DDX10: variants seen among roughly 807,000 people sequenced by gnomAD.
DDX10 encodes the protein probable ATP-dependent RNA helicase DDX10.
DDX10 carries 74 observed loss-of-function variants against 104.3 expected under a neutral mutation model. The ratio of observed to expected loss-of-function variants is 0.71; its 90% CI spans 0.59 to 0.86. The LOEUF (loss-of-function observed/expected upper bound fraction) is 0.86, where lower values mean the gene tolerates loss of function less well. Among genes scored for constraint, DDX10 ranks in the 40% least tolerant of loss-of-function variants. The probability of loss-of-function intolerance (pLI) is 0.00; values close to 1 mark genes in which losing one functional copy is unlikely to be tolerated. For synonymous variants in DDX10, 351 were observed against 353.4 expected (o/e 0.99, Z 0.08); for missense variants, 952 against 1,040.0 (o/e 0.92, Z 1.16).
rs77110796 is a variant in DDX10, at chr11:108,876,687, A to C, written c.2304+24478A>C. Among the ~76,000 whole-genome samples, 217 of 152,326 alleles carry C rather than the reference A, an allele frequency of 1.4e-3. 2 individuals carry two copies. Among genetic ancestry groups the C allele is most frequent in the African/African-American group, 5.0e-3 (209 of 41,576 alleles). On this transcript the variant is annotated intron_variant, in intron 16 of 17. Coordinates refer to ENST00000322536, the MANE Select transcript of DDX10 (RefSeq NM_004398.4). ...TCAACTCTAAATTTACTAAGAAGTA[A>C]GTGAGATAACACTTGTGCATCACCT...
intron 13 of DDX10, among the ~76,000 whole-genome samples, chr11:108,813,419 T>C (rs10890895): frequency 0.45 from 68,954 of 152,022 alleles, 19,032 homozygotes; most frequent in Non-Finnish European, 0.61. Context: ...ATTGGGCTGA[T>C]GATCTTAATT....
chr11:108,908,435 C>G lies in DDX10; in HGVS notation c.2305-9438C>G, dbSNP rs555190183. 4.6e-5 allele frequency among the ~76,000 whole-genome samples: 7 copies of G among 152,172 alleles called. No individual in the cohort carries two copies. In the East Asian group the frequency reaches 1.3e-3, roughly 29 times the overall value. On this transcript the variant is annotated intron_variant, in intron 16 of 17. Coordinates refer to ENST00000322536, the MANE Select transcript of DDX10 (RefSeq NM_004398.4). ...CAAAGTTGACATTTTGCTTTTAATT[C>G]ATACAATATGGGAAGACTTTAAGTC...
At position 108,732,161 on chromosome 11, in the gene DDX10, A is replaced by G. The variant is rs150362648; in HGVS notation, c.1965+8699A>G. Among the ~76,000 whole-genome samples, 34 of 152,370 alleles carry G rather than the reference A, an allele frequency of 2.2e-4. No homozygotes were observed. The East Asian group carries it at 6.2e-3, about 28-fold the overall frequency. On this transcript the variant is annotated intron_variant, in intron 13 of 17. Transcript: ENST00000322536. ...GAATATGTCTAATAATCATATCATTATAATTAAGACCATAATTATTTGGCA... is the reference window on the plus strand; with the variant it reads ...GAATATGTCTAATAATCATATCATTGTAATTAAGACCATAATTATTTGGCA...
chr11:108,680,906 C>A (rs1290433251), intron 6 of DDX10, among the ~76,000 whole-genome samples: 1 of 152,120 alleles, frequency 6.6e-6, no homozygotes, highest in Non-Finnish European at 1.5e-5. Context: ...CTTTGACTTT[C>A]AAGAACTTGG....
chr11:108,777,961 A>G (rs1301818828), intron 13 of DDX10, among the ~76,000 whole-genome samples: 1 of 152,204 alleles, frequency 6.6e-6, no homozygotes, highest in African/African-American at 2.4e-5. Context: ...CAAAGAGAAT[A>G]AAATACCTAG....
At chr11:108,805,498 G>A (rs1334116309) in intron 13 of DDX10, among the ~76,000 whole-genome samples, 1 of 152,186 alleles carries the variant, frequency 6.6e-6, no homozygotes, top group Non-Finnish European at 1.5e-5. Context: ...TATGTTATTA[G>A]CAACATCTTA....
chr11:108,709,982 A>G (rs1320868450), intron 10 of DDX10, among the ~76,000 whole-genome samples: 1 of 152,194 alleles, frequency 6.6e-6, no homozygotes, highest in Non-Finnish European at 1.5e-5. Context: ...TTAGGCTGCA[A>G]ACCTTTATAG....
At chr11:108,937,034 A>G (rs1045327908) in intron 17 of DDX10, among the ~76,000 whole-genome samples, 11 of 152,224 alleles carry the variant, frequency 7.2e-5, no homozygotes, top group African/African-American at 2.4e-4. Context: ...CGCTTTTCCA[A>G]TTCAGAAGAG....
intron 13 of DDX10, among the ~76,000 whole-genome samples, chr11:108,779,505 G>A (rs2094374979): frequency 6.6e-6 from 1 of 152,018 alleles, no homozygotes; most frequent in African/African-American, 2.4e-5. Context: ...ATGGACACAG[G>A]GTGGGGAACA....
chr11:108,685,194 C>T (rs916598411), intron 6 of DDX10, among the ~76,000 whole-genome samples: 9 of 151,632 alleles, frequency 5.9e-5, no homozygotes, highest in East Asian at 1.9e-4. Flanking sequence ...ATTCCGTGGG[C>T]GTAGGACCCT....
chr11:108,828,534 TTTTTTTGTTTG>T (rs1862427477), intron 13 of DDX10, among the ~76,000 whole-genome samples: 1 of 152,216 alleles, frequency 6.6e-6, no homozygotes, highest in Non-Finnish European at 1.5e-5. Flanking sequence ...ACATTTTCTT[TTTTTTTGTTTG>T]TTTTTTGTTT....
chr11:108,838,546 C>G lies in DDX10; in HGVS notation c.2066C>G (p.Thr689Arg), dbSNP rs1565294397. ...KRNFKVNKKI[T>R]FTDEGELVQQ... ...AATTTTAAAGTGAATAAGAAGATAA[C>G]ATTTACTGATGAAGGGGAGGTAAGA... is the stretch of plus-strand genomic sequence containing the variant. The change falls in exon 14 of 18, where the codon ACA (threonine) becomes AGA (arginine). Residue 689 changes from threonine to arginine, a missense_variant. Thr to Arg is a moderately conservative substitution (Grantham distance 71, BLOSUM62 -1). This residue lies in a region of DDX10 where 533 missense variants were observed against 534.1 expected (regional missense o/e 1.00). Transcript: ENST00000322536. 7 of 1,610,484 alleles carry G rather than the reference C, an allele frequency of 4.3e-6. No homozygotes were observed. The highest frequency in any genetic ancestry group is 1.7e-4 in the Middle Eastern group (1 of 6,042).
chr11:108,892,871 C>T (rs1340648004), intron 16 of DDX10, among the ~76,000 whole-genome samples: 2 of 152,008 alleles, frequency 1.3e-5, no homozygotes, highest in Non-Finnish European at 2.9e-5. Context: ...TACAACTGGC[C>T]CTTACTATTA....
chr11:108,878,259 C>T (rs1442421478), intron 16 of DDX10, among the ~76,000 whole-genome samples: 1 of 152,028 alleles, frequency 6.6e-6, no homozygotes, highest in East Asian at 1.9e-4. Context: ...TGTGTTTCTC[C>T]CTGGAAGAAA....
At position 108,893,618 on chromosome 11, in the gene DDX10, C is replaced by A. The variant is rs947951863; in HGVS notation, c.2305-24255C>A. Among the ~76,000 whole-genome samples the A allele has an allele frequency of 2.7e-5, 4 of 150,866 alleles. 1 individual carries two copies. The highest frequency in any genetic ancestry group is 5.9e-5 in the Non-Finnish European group (4 of 67,774). On this transcript the variant is annotated intron_variant, in intron 16 of 17. Transcript: ENST00000322536. ...GGAAAAAATTACCTTAAAAAAAAAA[C>A]TGCACGAAATAAACTGTCTTTCAAA...
chr11:108,895,667 CA>C (rs1419012254), intron 16 of DDX10, among the ~76,000 whole-genome samples: 1 of 151,770 alleles, frequency 6.6e-6, no homozygotes, highest in Non-Finnish European at 1.5e-5. Flanking sequence ...TAATTGTCAC[CA>C]AAAATATTTG....
At chr11:108,938,627 T>G (rs1864065419) in intron 17 of DDX10, among the ~76,000 whole-genome samples, 1 of 152,214 alleles carries the variant, frequency 6.6e-6, no homozygotes, top group South Asian at 2.1e-4. Context: ...CTTTGCTGAC[T>G]GAATTTGTAT....
At chr11:108,705,323 C>A (rs2094274319) in intron 9 of DDX10, among the ~76,000 whole-genome samples, 1 of 152,162 alleles carries the variant, frequency 6.6e-6, no homozygotes, top group Admixed American at 6.5e-5. Context: ...ATGGTTTAGT[C>A]CAATACTGCC....
At chr11:108,851,413 A>G (rs1862791277) in intron 15 of DDX10, among the ~76,000 whole-genome samples, 1 of 152,190 alleles carries the variant, frequency 6.6e-6, no homozygotes, top group Non-Finnish European at 1.5e-5. Flanking sequence ...ATTTAGGCAC[A>G]GATTGTTTAG....
Sources: allele counts gnomAD v4.1 joint callset (sites outside exome capture counted in the v4.1 genomes callset), GRCh38; gene constraint gnomAD v4.1.1; regional missense constraint gnomAD v4.1.1; transcripts MANE v1.5; gene names NCBI Gene and HGNC (gene_info 2026-07-23, HGNC 2026-07-21).